The following SHC4 variants were observed in gnomAD, a reference collection of about 807,000 sequenced individuals.
The protein encoded by SHC4 is SHC-transforming protein 4.
Under a neutral mutation model 69.4 loss-of-function variants are expected in SHC4, and 41 were observed. The ratio of observed to expected loss-of-function variants is 0.59; its 90% confidence interval spans 0.46 to 0.77. The LOEUF (loss-of-function observed/expected upper bound fraction) is 0.77, where lower values mean the gene tolerates loss of function less well. Ranked by LOEUF, SHC4 falls within the 30% of genes least tolerant of loss-of-function variation. SHC4 has a pLI of 0.00. For synonymous variants in SHC4, 318 were observed against 299.3 expected (o/e 1.06, Z -0.64); for missense variants, 777 against 783.8 (o/e 0.99, Z 0.10).
chr15:48,898,536 A>G (rs771316785), intron 2 of SHC4, among the ~76,000 whole-genome samples: 1 of 152,248 alleles, frequency 6.6e-6, no homozygotes, highest in Non-Finnish European at 1.5e-5. Flanking sequence ...GTCTGTTTCT[A>G]AAGTACATTT....
At chr15:48,916,310 CACACA>C (rs1567069111) in intron 2 of SHC4, among the ~76,000 whole-genome samples, 1 of 146,976 alleles carries the variant, frequency 6.8e-6, no homozygotes, top group Non-Finnish European at 1.5e-5. Flanking sequence ...CACACACACA[CACACA>C]CACCCAGAAG....
At chr15:48,913,006 C>T (rs1342340215) in intron 2 of SHC4, among the ~76,000 whole-genome samples, 3 of 126,420 alleles carry the variant, frequency 2.4e-5, no homozygotes, top group South Asian at 2.9e-4. Flanking sequence ...GGTGCAGGGG[C>T]GGGTGCAGTG....
chr15:48,829,026 T>C (rs571591346), intron 11 of SHC4, among the ~76,000 whole-genome samples: 1 of 152,326 alleles, frequency 6.6e-6, no homozygotes, highest in African/African-American at 2.4e-5. Flanking sequence ...TTTAATGTAA[T>C]GCCACTTCTC....
intron 6 of SHC4, 104 bp downstream of exon 6, chr15:48,867,713 AC>A (rs1899589736): frequency 1.1e-6 from 1 of 938,420 alleles, no homozygotes. Flanking sequence ...CCAGTATAGC[AC>A]CCTAGTGATA....
chr15:48,945,939 T>C (rs974561311), intron 1 of SHC4: 17 of 152,232 alleles, frequency 1.1e-4, no homozygotes, highest in African/African-American at 3.9e-4. Flanking sequence ...TCCCAAAATT[T>C]TTTTTCAAAC....
At chr15:48,841,246 T>C (rs932062079) in intron 10 of SHC4, among the ~76,000 whole-genome samples, 1 of 152,234 alleles carries the variant, frequency 6.6e-6, no homozygotes, top group Admixed American at 6.5e-5. Flanking sequence ...ATCAAGAATA[T>C]ACTCTTATAA....
At chr15:48,937,536 G>A (rs749774441) in intron 1 of SHC4, among the ~76,000 whole-genome samples, 4 of 151,994 alleles carry the variant, frequency 2.6e-5, no homozygotes, top group Non-Finnish European at 5.9e-5. Context: ...GGAGACTCAT[G>A]CCTTGCATAT....
intron 1 of SHC4, among the ~76,000 whole-genome samples, chr15:48,956,589 C>T (rs982584216): frequency 6.6e-6 from 1 of 152,138 alleles, no homozygotes; most frequent in African/African-American, 2.4e-5. Flanking sequence ...TGGCCTGCCC[C>T]CGAACTAGCC....
At chr15:48,837,766 C>T (rs117661340) in intron 10 of SHC4, among the ~76,000 whole-genome samples, 3,924 of 152,108 alleles carry the variant, frequency 0.026, 62 homozygotes, top group Middle Eastern at 0.061. Context: ...ACAATCAGAC[C>T]TTCAAGAAAG....
intron 1 of SHC4, 107 bp downstream of exon 1, chr15:48,962,324 G>A: frequency 8.4e-7 from 1 of 1,191,824 alleles, no homozygotes; most frequent in Non-Finnish European, 1.2e-6. Flanking sequence ...ATCATGTCCT[G>A]TCCAAACACA....
At position 48,942,172 on chromosome 15, in the gene SHC4, A is replaced by AT. The variant is rs200246547; in HGVS notation, c.586-17224dup. Among the ~76,000 whole-genome samples, 52 of 149,704 alleles carry AT rather than the reference A, an allele frequency of 3.5e-4. No individual in the cohort carries two copies. The Middle Eastern group carries it at 0.01, about 29-fold the overall frequency. Reference sequence around the variant, plus strand: ...AGAACGAGGTGACCTGTTAGTCAGTATTTTTTTAAAAAAACAAAAACCCTA... The same window carrying AT: ...AGAACGAGGTGACCTGTTAGTCAGTATTTTTTTTAAAAAAACAAAAACCCTA... On this transcript the variant is annotated intron_variant, in intron 1 of 11. Coordinates refer to ENST00000332408, the MANE Select transcript of SHC4 (RefSeq NM_203349.4).
chr15:48,878,268 T>C (rs1195512071), intron 4 of SHC4: 2 of 1,613,212 alleles, frequency 1.2e-6, no homozygotes, highest in East Asian at 2.2e-5. Flanking sequence ...CTTCCGCAGA[T>C]GGAGGTAGGC....
intron 2 of SHC4, among the ~76,000 whole-genome samples, chr15:48,896,797 A>G (rs190616799): frequency 7.4e-4 from 113 of 152,378 alleles, no homozygotes; most frequent in African/African-American, 2.7e-3. Context: ...CTGAAATCCC[A>G]GCAAGGACAG....
At chr15:48,877,942 T>C (rs1416212014) in intron 4 of SHC4, 10 of 483,144 alleles carry the variant, frequency 2.1e-5, no homozygotes, top group African/African-American at 1.1e-4. Context: ...GCAGGGTCCC[T>C]AGATACGAAG....
Position 48,884,271 on chromosome 15 carries a change from A to T in SHC4, c.817T>A (p.Leu273Met), listed in dbSNP as rs779963907. The T allele has an allele frequency of 6.2e-7, 1 of 1,607,190 alleles. No homozygotes were observed. The highest frequency in any genetic ancestry group is 1.7e-5 in the Admixed American group (1 of 58,406). Residue 273 changes from leucine to methionine, a missense_variant, in exon 4 of 12, where the codon TTG (leucine) becomes ATG (methionine). By Grantham distance (15) the Leu-to-Met change is conservative. Coordinates refer to ENST00000332408, the MANE Select transcript of SHC4 (RefSeq NM_203349.4). ...ACCTGTTGGTTGTCAAGATTCATCA[A>T]TGTGAGACTGCATGTTGAGATGGTC... Reference protein sequence around the residue: ...KLTISTCSLTLMNLDNQQIIA... With the variant: ...KLTISTCSLTMMNLDNQQIIA...
intron 4 of SHC4, 31 bp from the exon 5 acceptor site, chr15:48,872,173 A>C: frequency 7.9e-7 from 1 of 1,269,810 alleles, no homozygotes; most frequent in East Asian, 2.5e-5. Flanking sequence ...TACTAATATA[A>C]ATTAATTGTT....
intron 11 of SHC4, among the ~76,000 whole-genome samples, chr15:48,833,938 T>C (rs1898854522): frequency 6.6e-6 from 1 of 152,226 alleles, no homozygotes; most frequent in Non-Finnish European, 1.5e-5. Flanking sequence ...TAAAGGTATT[T>C]TGGTCAATAT....
rs745417056 is a variant in SHC4 at position 48,906,736 on chromosome 15, C to T, written c.657-15925G>A. Among the ~76,000 whole-genome samples, 6 of 152,184 alleles carry T rather than the reference C, an allele frequency of 3.9e-5. No individual in the cohort carries two copies. In the South Asian group the frequency reaches 6.2e-4, roughly 16 times the overall value. ...TTTATTAGTTTGATTGTTTACTGCT[C>T]CTCAGGTTCCATGAGCTGCCCCAAT... On this transcript the variant is annotated intron_variant, in intron 2 of 11. Transcript: ENST00000332408.
chr15:48,830,440 C>T (rs999153597), intron 11 of SHC4, among the ~76,000 whole-genome samples: 1 of 152,128 alleles, frequency 6.6e-6, no homozygotes, highest in African/African-American at 2.4e-5. Context: ...TGGTTAACAA[C>T]AGACTGCATA....
Sources: gnomAD v4.1 joint callset for allele counts (sites outside exome capture counted in the v4.1 genomes callset) on GRCh38, gnomAD v4.1.1 for gene constraint, MANE v1.5 for transcripts, NCBI Gene and HGNC (gene_info 2026-07-23, HGNC 2026-07-21) for gene names.